The following NCAM2 variants were observed in gnomAD, a reference collection of about 807,000 sequenced individuals.
NCAM2 encodes N-CAM-2.
In NCAM2, 30 loss-of-function variants were observed where a neutral mutation model predicts 98.1. That is an observed-to-expected ratio of 0.31 (90% CI 0.23 to 0.41). NCAM2 has a LOEUF of 0.41. NCAM2 is among the 10% of genes least tolerant of loss of function. The pLI is 1.00. For synonymous variants in NCAM2, 368 were observed against 342.4 expected, an observed-to-expected ratio of 1.07 and a Z score of -0.83; for missense variants, 867 against 1,005.8, an observed-to-expected ratio of 0.86 and a Z score of 1.87.
At chr21:21,245,821 A>G (rs989615435) in intron 1 of NCAM2, among the ~76,000 whole-genome samples, 1 of 150,618 alleles carries the variant, frequency 6.6e-6, no homozygotes, top group Non-Finnish European at 1.5e-5. Flanking sequence ...TGGTAGAGAG[A>G]TAAATGGCAG....
intron 1 of NCAM2, among the ~76,000 whole-genome samples, chr21:21,256,435 C>T (rs574090402): frequency 6.6e-6 from 1 of 152,282 alleles, no homozygotes; most frequent in East Asian, 1.9e-4. Flanking sequence ...CCAGGCTACT[C>T]CTGTTCGTTG....
chr21:21,354,277 T>A (rs899723309), intron 8 of NCAM2, among the ~76,000 whole-genome samples: 2 of 152,154 alleles, frequency 1.3e-5, no homozygotes, highest in Non-Finnish European at 2.9e-5. Context: ...GTATCTGAAA[T>A]GTACAGCAAT....
At chr21:21,410,149 A>T (rs2076826762) in intron 9 of NCAM2, 125 bp from the exon 10 acceptor site, 2 of 605,344 alleles carry the variant, frequency 3.3e-6, no homozygotes, top group East Asian at 7.4e-5. Context: ...AAAAAAAAAA[A>T]ATACACGAAA....
At chr21:21,399,068 C>CA (rs1374049364) in intron 9 of NCAM2, among the ~76,000 whole-genome samples, 1 of 152,114 alleles carries the variant, frequency 6.6e-6, no homozygotes, top group Non-Finnish European at 1.5e-5. Flanking sequence ...CCAAGGGTGG[C>CA]AGACATCTGA....
At chr21:21,274,784 G>A (rs2072661243) in intron 1 of NCAM2, among the ~76,000 whole-genome samples, 1 of 152,114 alleles carries the variant, frequency 6.6e-6, no homozygotes, top group Admixed American at 6.5e-5. Flanking sequence ...AGATCAATCA[G>A]TGTCTTAAGT....
intron 1 of NCAM2, among the ~76,000 whole-genome samples, chr21:21,022,431 T>G (rs2146190945): frequency 6.6e-6 from 1 of 152,230 alleles, no homozygotes; most frequent in Non-Finnish European, 1.5e-5. Flanking sequence ...CCTAACTAAA[T>G]TATTTTAATT....
intron 11 of NCAM2, among the ~76,000 whole-genome samples, chr21:21,426,914 C>CT (rs896879817): frequency 2.4e-4 from 37 of 152,294 alleles, no homozygotes; most frequent in South Asian, 2.1e-4. Context: ...TAATTTGACT[C>CT]TGAGTGTTAA....
chr21:21,162,947 G>A (rs2067832279), intron 1 of NCAM2, among the ~76,000 whole-genome samples: 1 of 152,120 alleles, frequency 6.6e-6, no homozygotes, highest in African/African-American at 2.4e-5. Context: ...GGCAGTTCCT[G>A]TGAGGAGATA....
intron 15 of NCAM2, among the ~76,000 whole-genome samples, 187 bp downstream of exon 15, chr21:21,477,658 G>T (rs1256106799): frequency 1.3e-5 from 2 of 152,018 alleles, no homozygotes; most frequent in East Asian, 3.9e-4. Flanking sequence ...TGCTTAATTT[G>T]TAAATATATT....
chr21:21,237,145 GA>G (rs1209723777), intron 1 of NCAM2, among the ~76,000 whole-genome samples: 2 of 152,086 alleles, frequency 1.3e-5, no homozygotes, highest in Non-Finnish European at 2.9e-5. Flanking sequence ...AGAATGAACA[GA>G]AAGAATACAA....
intron 8 of NCAM2, among the ~76,000 whole-genome samples, chr21:21,362,406 T>A (rs200270664): frequency 7.0e-5 from 10 of 142,816 alleles, no homozygotes; most frequent in Admixed American, 4.2e-4. Flanking sequence ...TTTTTTTTTT[T>A]AAACCTGAAA....
chr21:21,463,074 T>A (rs9983433), intron 12 of NCAM2, among the ~76,000 whole-genome samples: 6,597 of 152,182 alleles, frequency 0.043, 481 homozygotes, highest in African/African-American at 0.15. Context: ...ACATTAACTA[T>A]CTTCATAATT....
At chr21:21,007,062 G>A (rs1467820349) in intron 1 of NCAM2, among the ~76,000 whole-genome samples, 1 of 152,070 alleles carries the variant, frequency 6.6e-6, no homozygotes, top group African/African-American at 2.4e-5. Context: ...ATTTTTTACT[G>A]CACAAGTTTT....
chr21:21,386,157 A>C (rs80207110), intron 9 of NCAM2, among the ~76,000 whole-genome samples: 3,102 of 152,242 alleles, frequency 0.02, 95 homozygotes, highest in African/African-American at 0.071. Context: ...AATTCTCTGA[A>C]TATAACAGTG....
chr21:21,256,217 G>A (rs549069959), intron 1 of NCAM2, among the ~76,000 whole-genome samples: 7 of 152,184 alleles, frequency 4.6e-5, no homozygotes, highest in South Asian at 2.1e-4. Context: ...TTAGCTGGGC[G>A]TGGTGGTGGG....
chr21:21,519,226 A>G (rs901341662), intron 16 of NCAM2, among the ~76,000 whole-genome samples: 1 of 152,102 alleles, frequency 6.6e-6, no homozygotes. Context: ...ATAGAAGACT[A>G]CTAGAAGAGT....
intron 1 of NCAM2, among the ~76,000 whole-genome samples, chr21:21,029,510 A>G: frequency 6.8e-6 from 1 of 147,148 alleles, no homozygotes; most frequent in African/African-American, 2.7e-5. Context: ...AACTTAGGAC[A>G]GTGGATTTGT....
At chr21:21,246,467 C>T (rs2071275732) in intron 1 of NCAM2, among the ~76,000 whole-genome samples, 1 of 151,668 alleles carries the variant, frequency 6.6e-6, no homozygotes, top group Admixed American at 6.6e-5. Flanking sequence ...TAAAATATAC[C>T]AATATATTTG....
In NCAM2 at chr21:21,450,204, T is replaced by TA. The variant is rs1470628643; in HGVS notation, c.1655-16399dup. ...TTACAATTTAAATAATCACACTGAA[T>TA]AAATGATTGACAATACTGTGTATAT... On this transcript the variant is annotated intron_variant, in intron 12 of 17. Coordinates refer to ENST00000400546, the MANE Select transcript of NCAM2 (RefSeq NM_004540.5). Among the ~76,000 whole-genome samples the TA allele has an allele frequency of 2.0e-5, 3 of 152,034 alleles. No homozygotes were observed. In the East Asian group the frequency reaches 5.8e-4, roughly 29 times the overall value.
Sources: allele counts gnomAD v4.1 joint callset (sites outside exome capture counted in the v4.1 genomes callset), GRCh38; gene constraint gnomAD v4.1.1; transcripts MANE v1.5; gene names NCBI Gene and HGNC (gene_info 2026-07-23, HGNC 2026-07-21).